Variants in DNAI7 observed in about 807,000 individuals in gnomAD.
DNAI7 encodes cancer susceptibility 1.
Under a neutral mutation model 86.6 loss-of-function variants are expected in DNAI7, and 78 were observed. The observed-to-expected ratio is 0.90, with a 90% CI of 0.75 to 1.09. The LOEUF is 1.09. Ranked by LOEUF, DNAI7 falls within the 50% of genes least tolerant of loss-of-function variation. The probability of loss-of-function intolerance (pLI) is 0.00; values close to 1 mark genes in which losing one functional copy is unlikely to be tolerated. For missense variants in DNAI7, 753 were observed against 810.2 expected (o/e 0.93, Z 0.86); for synonymous variants, 274 against 273.0 (o/e 1.00, Z -0.04).
At chr12:25,174,466 T>TCC (rs71065916) in intron 2 of DNAI7, among the ~76,000 whole-genome samples, 1 of 100,488 alleles carries the variant, frequency 1.0e-5, no homozygotes, top group Non-Finnish European at 2.1e-5. Flanking sequence ...ATCATATATA[T>TCC]CATATATATG....
intron 2 of DNAI7, among the ~76,000 whole-genome samples, chr12:25,166,418 T>C (rs1947472000): frequency 2.6e-5 from 4 of 152,130 alleles, no homozygotes. Flanking sequence ...TTACTATTCC[T>C]TTGCACCCTT....
chr12:25,112,501 G>A (rs949987586), intron 13 of DNAI7, among the ~76,000 whole-genome samples: 10 of 143,688 alleles, frequency 7.0e-5, no homozygotes, highest in African/African-American at 2.7e-4. Context: ...CTGCCTCCCA[G>A]GTTCACACCA....
rs142782332 is a variant in DNAI7 at position 25,122,473 on chromosome 12, GAGAAGA to G, written c.1079-566_1079-561del. Among the ~76,000 whole-genome samples, 771 of 144,470 alleles carry G rather than the reference GAGAAGA, an allele frequency of 5.3e-3. 23 individuals carry two copies. The highest frequency in any genetic ancestry group is 0.018 in the African/African-American group (667 of 36,874). The allele number at this position is 144,470 out of a possible 152,430, so 94.8% of individuals were successfully genotyped here. On this transcript the variant is annotated intron_variant, in intron 10 of 15. Transcript: ENST00000395987. ...CAAAAAAAAAAAAAAAAAAAAGAAG[GAGAAGA>G]AGAAGAAGAAAGAAAAAGTGAAGTT...
At chr12:25,116,600 A>G (rs889677385) in intron 12 of DNAI7, among the ~76,000 whole-genome samples, 1 of 152,132 alleles carries the variant, frequency 6.6e-6, no homozygotes, top group African/African-American at 2.4e-5. Flanking sequence ...CCCAGGTTCA[A>G]GCAATTTTCC....
chr12:25,169,283 G>A (rs1479846987), intron 2 of DNAI7, among the ~76,000 whole-genome samples: 1 of 151,884 alleles, frequency 6.6e-6, no homozygotes, highest in African/African-American at 2.4e-5. Flanking sequence ...GGCTCATCCT[G>A]GCTCAAAAGC....
chr12:25,108,127 A>T, downstream of DNAI7: 1 of 1,544,016 alleles, frequency 6.5e-7, no homozygotes, highest in Admixed American at 1.8e-5. Flanking sequence ...GTAAATTAGT[A>T]ACTTTTAGCT....
downstream of DNAI7, chr12:25,107,869 G>C: frequency 6.2e-7 from 1 of 1,614,070 alleles, no homozygotes. Context: ...CATCAGAAAG[G>C]CTAATAAGGC....
chr12:25,126,669 G>A (rs978352019), intron 9 of DNAI7, among the ~76,000 whole-genome samples: 2 of 152,116 alleles, frequency 1.3e-5, no homozygotes, highest in East Asian at 1.9e-4. Context: ...AGGTTTGGGG[G>A]AAAAGTAATG....
rs753737426 is a variant in DNAI7, at chr12:25,108,596, G to A, written c.2121C>T (p.Asn707=). The change falls in exon 16 of 16, where the codon AAC becomes AAT. Residue 707 remains asparagine, a synonymous_variant. Transcript: ENST00000395987. ...KVRSSNCQFV[N]SVCHMLLSTR... is the part of the protein sequence containing the mutation. The stretch of plus-strand genomic sequence containing the variant: ...TAGAGAGCAGCATGTGGCACACAGA[G>A]TTGACAAACTGACAGTTGGAACTCC... 6.2e-7 allele frequency: 1 copy of A among 1,613,860 alleles called. No individual in the cohort carries two copies. The highest frequency in any genetic ancestry group is 8.5e-7 in the Non-Finnish European group (1 of 1,179,922).
intron 2 of DNAI7, among the ~76,000 whole-genome samples, chr12:25,174,060 C>A (rs916264461): frequency 1.4e-5 from 2 of 147,090 alleles, no homozygotes; most frequent in Admixed American, 6.9e-5. Flanking sequence ...ATATATATAT[C>A]ATATATTGGC....
chr12:25,109,748 G>T (rs1949640330), intron 15 of DNAI7, among the ~76,000 whole-genome samples: 1 of 151,548 alleles, frequency 6.6e-6, no homozygotes. Context: ...GCATGATTTT[G>T]GCTCACCACA....
At chr12:25,133,937 A>G (rs1943231985) in intron 9 of DNAI7, among the ~76,000 whole-genome samples, 1 of 152,222 alleles carries the variant, frequency 6.6e-6, no homozygotes, top group South Asian at 2.1e-4. Flanking sequence ...TATTTCTGCC[A>G]TATCACTAAT....
chr12:25,139,473 C>G (rs1262614542), intron 9 of DNAI7, among the ~76,000 whole-genome samples: 1 of 152,152 alleles, frequency 6.6e-6, no homozygotes, highest in Non-Finnish European at 1.5e-5. Context: ...AAAATATTAG[C>G]TAACCGAATC....
rs146762929 is a variant in DNAI7, at chr12:25,123,707, C to G, written c.1003-421G>C. On this transcript the variant is annotated intron_variant, in intron 9 of 15. Coordinates refer to ENST00000395987, the MANE Select transcript of DNAI7 (RefSeq NM_018272.5). Reference sequence around the variant, plus strand: ...CAAGGAAATTAAAGATGTTGCAGCTCAAGTAATGTAGAAGATAGTATCCCA... The same window carrying G: ...CAAGGAAATTAAAGATGTTGCAGCTGAAGTAATGTAGAAGATAGTATCCCA... Among the ~76,000 whole-genome samples the G allele has an allele frequency of 2.8e-3, 432 of 152,232 alleles. 1 individual carries two copies. Among genetic ancestry groups the G allele is most frequent in the African/African-American group, 8.4e-3 (347 of 41,548 alleles).
At chr12:25,181,199 C>T (rs1352757486) in intron 2 of DNAI7, among the ~76,000 whole-genome samples, 5 of 152,148 alleles carry the variant, frequency 3.3e-5, no homozygotes, top group Non-Finnish European at 5.9e-5. Flanking sequence ...TAATCTCAAA[C>T]TCCTGGGCTC....
Position 25,166,579 on chromosome 12 carries a change from G to C in DNAI7, c.22-5382C>G, listed in dbSNP as rs150829420. ...TCTTCCTCATCTGTTACCTATCTCG[G>C]CATAATTCTCATAAAGACACGTGCT... On this transcript the variant is annotated intron_variant, in intron 2 of 15. Coordinates refer to ENST00000395987, the MANE Select transcript of DNAI7 (RefSeq NM_018272.5). Among the ~76,000 whole-genome samples, 806 of 152,144 alleles carry C rather than the reference G, an allele frequency of 5.3e-3. 9 individuals are homozygous for C. The highest frequency in any genetic ancestry group is 0.016 in the African/African-American group (679 of 41,498).
rs138641189 is a variant in DNAI7, at chr12:25,171,303, C to T, written c.22-10106G>A. Among the ~76,000 whole-genome samples, 1,017 of 152,124 alleles carry T rather than the reference C, an allele frequency of 6.7e-3. 38 individuals carry two copies. The highest frequency in any genetic ancestry group is 0.057 in the Admixed American group (865 of 15,272). On this transcript the variant is annotated intron_variant, in intron 2 of 15. Transcript: ENST00000395987. ...ATGAAATGGGAGATATTACAACTGA[C>T]GCCACTGAAATACAAAAGACATTCA...
At chr12:25,190,890 T>G (rs1950456590) in intron 1 of DNAI7, among the ~76,000 whole-genome samples, 1 of 152,204 alleles carries the variant, frequency 6.6e-6, no homozygotes, top group Non-Finnish European at 1.5e-5. Context: ...TGTATGTAGA[T>G]TTTACACTGT....
At chr12:25,189,911 C>T (rs1172203155) in intron 2 of DNAI7, among the ~76,000 whole-genome samples, 1 of 150,882 alleles carries the variant, frequency 6.6e-6, no homozygotes, top group Non-Finnish European at 1.5e-5. Context: ...CTATTTAGGC[C>T]CAATGTTATC....
Sources: allele counts gnomAD v4.1 joint callset (sites outside exome capture counted in the v4.1 genomes callset), GRCh38; gene constraint gnomAD v4.1.1; transcripts MANE v1.5; gene names NCBI Gene and HGNC (gene_info 2026-07-23, HGNC 2026-07-21).